IPO11: variants seen among roughly 807,000 people sequenced by gnomAD.
IPO11 encodes the protein importin-11.
A neutral mutation model predicts 143.2 loss-of-function variants in IPO11; 66 were observed. The observed-to-expected ratio is 0.46, with a 90% CI of 0.38 to 0.57. The LOEUF (loss-of-function observed/expected upper bound fraction) is 0.57, where lower values mean the gene tolerates loss of function less well. Ranked by LOEUF, IPO11 falls within the 20% of genes least tolerant of loss-of-function variation. IPO11 has a pLI of 0.00. For synonymous variants in IPO11, 385 were observed against 377.8 expected, an observed-to-expected ratio of 1.02 and a Z score of -0.22; for missense variants, 1,026 against 1,141.0, an observed-to-expected ratio of 0.90 and a Z score of 1.45.
intron 7 of IPO11, 107 bp from the exon 8 acceptor site, chr5:62,474,309 A>G: frequency 1.5e-6 from 1 of 654,900 alleles, no homozygotes; most frequent in South Asian, 2.6e-5. Context: ...TTCTTCGGCT[A>G]ATTTTTTTAA....
chr5:62,472,835 T>A (rs572506086), intron 7 of IPO11, among the ~76,000 whole-genome samples: 1 of 152,148 alleles, frequency 6.6e-6, no homozygotes, highest in East Asian at 1.9e-4. Context: ...GGCTTAAAAA[T>A]CTTAAAAATA....
chr5:62,435,092 G>GTGTA, intron 1 of IPO11, among the ~76,000 whole-genome samples: 1 of 58,276 alleles, frequency 1.7e-5, no homozygotes, highest in African/African-American at 6.0e-5. Context: ...GTGTATATAT[G>GTGTA]TATATATGTA....
In IPO11 at chr5:62,558,118, C is replaced by G. The variant is rs558634902; in HGVS notation, c.2461-3018C>G. On this transcript the variant is annotated intron_variant, in intron 26 of 29. Coordinates refer to ENST00000325324, the MANE Select transcript of IPO11 (RefSeq NM_016338.5). The stretch of plus-strand genomic sequence containing the variant: ...CTGATAGATGTCAGTGTGGTCATAC[C>G]AGTTGTTAAAATATTGACCTAAATC... Among the ~76,000 whole-genome samples, 4 of 152,236 alleles carry G rather than the reference C, an allele frequency of 2.6e-5. No homozygotes were observed. In the East Asian group the frequency reaches 7.7e-4, roughly 29 times the overall value.
intron 1 of IPO11, 87 bp from the exon 2 acceptor site, chr5:62,437,187 A>G (rs1744274748): frequency 9.2e-7 from 1 of 1,081,868 alleles, no homozygotes; most frequent in Non-Finnish European, 1.3e-6. Context: ...AATTCAGAAC[A>G]TGAAAGCTTT....
intron 1 of IPO11, among the ~76,000 whole-genome samples, chr5:62,417,974 A>C (rs1368715299): frequency 2.0e-5 from 3 of 151,672 alleles, no homozygotes; most frequent in Non-Finnish European, 4.4e-5. Flanking sequence ...TTTATTTCCA[A>C]CTCTCCAACT....
At chr5:62,435,128 A>ATATATGTATGTATATATGTATATATATG (rs1561308866) in intron 1 of IPO11, among the ~76,000 whole-genome samples, 1 of 86,198 alleles carries the variant, frequency 1.2e-5, no homozygotes, top group African/African-American at 5.4e-5. Context: ...GTATATATGT[A>ATATATGTATGTATATATGTATATATATG]TATATATGTA....
intron 22 of IPO11, among the ~76,000 whole-genome samples, chr5:62,535,098 G>C (rs888749221): frequency 5.3e-5 from 8 of 151,282 alleles, no homozygotes; most frequent in African/African-American, 1.9e-4. Flanking sequence ...GTGCCATCCT[G>C]GGCATGGCAG....
intron 12 of IPO11, among the ~76,000 whole-genome samples, chr5:62,486,666 C>G (rs1161268074): frequency 6.6e-6 from 1 of 152,102 alleles, no homozygotes; most frequent in African/African-American, 2.4e-5. Context: ...TTTTTAGATT[C>G]ATAAACATAC....
chr5:62,452,003 A>T lies in IPO11; in HGVS notation c.516+70A>T, dbSNP rs1744946181. On this transcript the variant is annotated intron_variant, in intron 5 of 29. Coordinates refer to ENST00000325324, the MANE Select transcript of IPO11 (RefSeq NM_016338.5). ...GCCGGGCGTGGTGGCTTATGCCTGTAATCTCAGCACTTTGGGAGGCCGAGG... is the reference window on the plus strand; with the variant it reads ...GCCGGGCGTGGTGGCTTATGCCTGTTATCTCAGCACTTTGGGAGGCCGAGG... 2.4e-6 allele frequency: 3 copies of T among 1,242,592 alleles called. No homozygotes were observed. In the Admixed American group the frequency reaches 5.1e-5, roughly 21 times the overall value. The allele number at this position is 1,242,592 out of a possible 1,614,324, so 77.0% of individuals were successfully genotyped here. A position where few individuals can be genotyped will look rare whatever the true frequency, so the allele number is the denominator to read the frequency against.
intron 19 of IPO11, among the ~76,000 whole-genome samples, chr5:62,511,788 C>G (rs1460379820): frequency 6.6e-6 from 1 of 151,868 alleles, no homozygotes; most frequent in Non-Finnish European, 1.5e-5. Context: ...TAAAAACTTC[C>G]TCTTTAATCA....
At chr5:62,426,379 C>A (rs1743740870) in intron 1 of IPO11, among the ~76,000 whole-genome samples, 1 of 151,892 alleles carries the variant, frequency 6.6e-6, no homozygotes, top group African/African-American at 2.4e-5. Context: ...AAGAGTGAGA[C>A]TCTGTCTCAA....
chr5:62,502,437 A>G (rs886189535), intron 16 of IPO11, among the ~76,000 whole-genome samples: 1 of 152,210 alleles, frequency 6.6e-6, no homozygotes, highest in African/African-American at 2.4e-5. Context: ...AAAGCTCAGG[A>G]AGAGCCGACT....
intron 24 of IPO11, among the ~76,000 whole-genome samples, chr5:62,546,256 T>TTA (rs980100464): frequency 5.9e-5 from 9 of 152,222 alleles, no homozygotes; most frequent in Admixed American, 5.9e-4. Flanking sequence ...CACCATGGAA[T>TTA]ACTATGCAGC....
intron 1 of IPO11, among the ~76,000 whole-genome samples, chr5:62,416,622 A>G (rs1190536066): frequency 6.6e-6 from 1 of 152,100 alleles, no homozygotes. Context: ...ATGAATTTTT[A>G]AGGAACACAG....
intron 9 of IPO11, among the ~76,000 whole-genome samples, chr5:62,478,202 G>A (rs1746035102): frequency 1.3e-5 from 2 of 152,234 alleles, no homozygotes; most frequent in African/African-American, 4.8e-5. Context: ...GTCTGACTCT[G>A]TCACCCACGC....
At position 62,601,773 on chromosome 5, in the gene IPO11, G is replaced by T; in HGVS notation, c.2688G>T (p.Leu896Phe). 1 of 1,570,914 alleles carries T rather than the reference G, an allele frequency of 6.4e-7. No homozygotes were observed. Among genetic ancestry groups the T allele is most frequent in the Non-Finnish European group, 8.7e-7 (1 of 1,155,900 alleles). ...PETGTYKDCM[L>F]MSHLEEPKVT... Reference sequence around the variant, plus strand: ...TAAAAAATTATTATAGCTGTATGTTGATGTCTCATCTTGAGGAACCAAAAG... The same window carrying T: ...TAAAAAATTATTATAGCTGTATGTTTATGTCTCATCTTGAGGAACCAAAAG... Residue 896 changes from leucine to phenylalanine, a missense_variant, in exon 29 of 30, where the codon TTG becomes TTT. Leu to Phe is a conservative substitution (Grantham distance 22). This residue lies in a region of IPO11 where 351 missense variants were observed against 358.9 expected (regional missense o/e 0.98). Coordinates refer to ENST00000325324, the MANE Select transcript of IPO11 (RefSeq NM_016338.5).
chr5:62,577,985 A>G (rs966021853), intron 27 of IPO11, among the ~76,000 whole-genome samples: 1 of 152,118 alleles, frequency 6.6e-6, no homozygotes, highest in Admixed American at 6.5e-5. Flanking sequence ...AATATAAACA[A>G]TTTATATCCG....
intron 24 of IPO11, among the ~76,000 whole-genome samples, chr5:62,540,051 A>T (rs1441613595): frequency 6.6e-6 from 1 of 152,176 alleles, no homozygotes; most frequent in Non-Finnish European, 1.5e-5. Flanking sequence ...CCTCTATTAT[A>T]CTGAGCTTCT....
At chr5:62,448,067 T>C (rs1051847066) in intron 3 of IPO11, among the ~76,000 whole-genome samples, 1 of 152,172 alleles carries the variant, frequency 6.6e-6, no homozygotes, top group Non-Finnish European at 1.5e-5. Flanking sequence ...TTTTCTTTCT[T>C]GCTTTACTTT....
Sources: gnomAD v4.1 joint callset for allele counts (sites outside exome capture counted in the v4.1 genomes callset) on GRCh38, gnomAD v4.1.1 for gene constraint, gnomAD v4.1.1 regional missense constraint, MANE v1.5 for transcripts, NCBI Gene and HGNC (gene_info 2026-07-23, HGNC 2026-07-21) for gene names.